PARD3B: variants seen among roughly 807,000 people sequenced by gnomAD.
PARD3B encodes the protein par-3 family cell polarity regulator beta.
PARD3B carries 103 observed loss-of-function variants against 130.2 expected under a neutral mutation model. The ratio of observed to expected loss-of-function variants is 0.79; its 90% CI spans 0.67 to 0.93. The LOEUF (loss-of-function observed/expected upper bound fraction) is 0.93. PARD3B is among the 40% of genes least tolerant of loss of function. The pLI is 0.00. For missense variants in PARD3B, 1,609 were observed against 1,499.2 expected, an observed-to-expected ratio of 1.07 and a Z score of -1.21; for synonymous variants, 583 against 553.2, an observed-to-expected ratio of 1.05 and a Z score of -0.76.
At chr2:204,885,229 G>T (rs1559228343) in intron 2 of PARD3B, among the ~76,000 whole-genome samples, 1 of 152,178 alleles carries the variant, frequency 6.6e-6, no homozygotes, top group Admixed American at 6.5e-5. Context: ...GTAATGATCA[G>T]TGATGTTGAG....
In PARD3B at chr2:205,060,426, G is replaced by A. The variant is rs914291670; in HGVS notation, c.504+12736G>A. ...TATTCATAGAAGAATGCATTCAGATGGGCTGAAAGCAGCAGAGTTTTAGAA... is the reference window on the plus strand; with the variant it reads ...TATTCATAGAAGAATGCATTCAGATAGGCTGAAAGCAGCAGAGTTTTAGAA... On this transcript the variant is annotated intron_variant, in intron 4 of 22. Transcript: ENST00000406610. 3.9e-5 allele frequency among the ~76,000 whole-genome samples: 6 copies of A among 152,092 alleles called. No individual in the cohort carries two copies. In the South Asian group the frequency reaches 1.2e-3, roughly 31 times the overall value.
At chr2:205,014,916 T>C (rs544972507) in intron 3 of PARD3B, among the ~76,000 whole-genome samples, 1 of 152,340 alleles carries the variant, frequency 6.6e-6, no homozygotes, top group Admixed American at 6.5e-5. Flanking sequence ...GCTGCAAAGA[T>C]CAACTTCTCC....
chr2:205,164,677 G>A (rs1054888720), intron 11 of PARD3B, among the ~76,000 whole-genome samples: 7 of 151,554 alleles, frequency 4.6e-5, no homozygotes, highest in African/African-American at 1.7e-4. Context: ...AAATTTAAGG[G>A]TTGATATTCC....
intron 16 of PARD3B, among the ~76,000 whole-genome samples, chr2:205,282,722 C>T (rs1306678329): frequency 6.6e-6 from 1 of 152,104 alleles, no homozygotes; most frequent in Non-Finnish European, 1.5e-5. Flanking sequence ...CTGCCTAAGT[C>T]ATTGTCTGGT....
intron 1 of PARD3B, among the ~76,000 whole-genome samples, chr2:204,611,399 T>A (rs2033916683): frequency 6.6e-6 from 1 of 152,212 alleles, no homozygotes; most frequent in Non-Finnish European, 1.5e-5. Flanking sequence ...CAGCAGCAGA[T>A]TAGGACTTCT....
At chr2:205,315,796 C>G (rs141295149) in intron 18 of PARD3B, among the ~76,000 whole-genome samples, 73 of 152,218 alleles carry the variant, frequency 4.8e-4, no homozygotes, top group African/African-American at 1.5e-3. Flanking sequence ...ACCGTCTTCC[C>G]CTGAGGCCTG....
At chr2:205,436,254 A>G (rs1169771980) in intron 19 of PARD3B, among the ~76,000 whole-genome samples, 2 of 152,184 alleles carry the variant, frequency 1.3e-5, no homozygotes, top group Admixed American at 6.6e-5. Flanking sequence ...ATATCAACAC[A>G]TGAATTTTGG....
At chr2:204,764,542 C>T (rs1017087562) in intron 2 of PARD3B, among the ~76,000 whole-genome samples, 1 of 152,076 alleles carries the variant, frequency 6.6e-6, no homozygotes, top group African/African-American at 2.4e-5. Context: ...TTCCTCCTCT[C>T]TCAGAATGAT....
At chr2:204,961,383 A>C (rs575008663) in intron 2 of PARD3B, among the ~76,000 whole-genome samples, 21 of 152,118 alleles carry the variant, frequency 1.4e-4, no homozygotes, top group African/African-American at 5.1e-4. Context: ...AGGGGAGAGA[A>C]AGAGAGTTGA....
intron 22 of PARD3B, among the ~76,000 whole-genome samples, chr2:205,607,147 A>C (rs2055030368): frequency 6.6e-6 from 1 of 152,146 alleles, no homozygotes; most frequent in Admixed American, 6.5e-5. Flanking sequence ...CTCTGAATGA[A>C]ACTTCCCACA....
chr2:204,919,228 A>C (rs2047571095), intron 2 of PARD3B, among the ~76,000 whole-genome samples: 1 of 152,206 alleles, frequency 6.6e-6, no homozygotes, highest in African/African-American at 2.4e-5. Context: ...ATCATTAGCA[A>C]GAGTTTCATA....
rs375645802 is a variant in PARD3B, at chr2:204,919,018, A to G, written c.223-46134A>G. On this transcript the variant is annotated intron_variant, in intron 2 of 22. Coordinates refer to ENST00000406610, the MANE Select transcript of PARD3B (RefSeq NM_001302769.2). The stretch of plus-strand genomic sequence containing the variant: ...ATTTTATGAAAAATTTTAAATATAT[A>G]GAAAAGTTGAAATAAGTATGCAGTG... Among the ~76,000 whole-genome samples the G allele has an allele frequency of 2.6e-5, 4 of 152,282 alleles. No individual in the cohort carries two copies. The East Asian group carries it at 7.7e-4, about 29-fold the overall frequency.
chr2:205,033,416 A>G (rs1212189370), intron 3 of PARD3B, among the ~76,000 whole-genome samples: 3 of 152,158 alleles, frequency 2.0e-5, no homozygotes. Flanking sequence ...AAGATAATCT[A>G]TTTCTTCCTG....
At chr2:205,384,062 A>C (rs2045576800) in intron 18 of PARD3B, among the ~76,000 whole-genome samples, 2 of 152,058 alleles carry the variant, frequency 1.3e-5, no homozygotes, top group Admixed American at 1.3e-4. Flanking sequence ...ACCTCACTTC[A>C]TCTTATTTAC....
chr2:205,460,926 T>C lies in PARD3B; in HGVS notation c.3044+20254T>C, dbSNP rs1487262293. 1.3e-5 allele frequency among the ~76,000 whole-genome samples: 2 copies of C among 152,158 alleles called. No homozygotes were observed. The highest frequency in any genetic ancestry group is 2.9e-5 in the Non-Finnish European group (2 of 68,026). On this transcript the variant is annotated intron_variant, in intron 20 of 22. Transcript: ENST00000406610. This position sits in a 1 kb window ranked among gnomAD's most constrained non-coding sequence, Gnocchi z 4.9. ...AAGAGGAGGCTACAGAAACCACTGA[T>C]GATGTATTCTGTACCAGCTTAGCCT...
intron 22 of PARD3B, among the ~76,000 whole-genome samples, chr2:205,609,163 C>CCACATTCGTGCCTGGA: frequency 6.6e-6 from 1 of 152,302 alleles, no homozygotes; most frequent in South Asian, 2.1e-4. Context: ...TCCTTGCCAA[C>CCACATTCGTGCCTGGA]CACATTCGTG....
intron 16 of PARD3B, among the ~76,000 whole-genome samples, chr2:205,293,264 C>A (rs748914249): frequency 1.5e-4 from 23 of 152,064 alleles, no homozygotes; most frequent in Non-Finnish European, 2.1e-4. Context: ...CATTAAAATT[C>A]TTTATATTAT....
chr2:204,660,638 A>G (rs959463300), intron 1 of PARD3B, among the ~76,000 whole-genome samples: 2 of 152,180 alleles, frequency 1.3e-5, no homozygotes, highest in African/African-American at 4.8e-5. Context: ...TTACAGAAGT[A>G]TATTTCTGAA....
intron 1 of PARD3B, among the ~76,000 whole-genome samples, chr2:204,633,818 A>G (rs1004559824): frequency 6.6e-6 from 1 of 152,182 alleles, no homozygotes; most frequent in South Asian, 2.1e-4. Context: ...TCTCAAAAAA[A>G]CATATATTTT....
Sources: allele counts gnomAD v4.1 joint callset (sites outside exome capture counted in the v4.1 genomes callset), GRCh38; gene constraint gnomAD v4.1.1; non-coding constraint Gnocchi (gnomAD v3.1); transcripts MANE v1.5; gene names NCBI Gene and HGNC (gene_info 2026-07-23, HGNC 2026-07-21).